Variants in CSMD2 observed in about 807,000 individuals in gnomAD.
CSMD2 encodes the protein CUB and sushi domain-containing protein 2.
In CSMD2, 130 loss-of-function variants were observed where a neutral mutation model predicts 398.5. That is an observed-to-expected ratio of 0.33 (90% confidence interval 0.28 to 0.38). CSMD2 has a LOEUF of 0.38. Among genes scored for constraint, CSMD2 ranks in the 10% least tolerant of loss-of-function variants. CSMD2 has a pLI of 1.00. For synonymous variants in CSMD2, 1,828 were observed against 1,908.5 expected, an observed-to-expected ratio of 0.96 and a Z score of 1.10; for missense variants, 3,829 against 4,764.9, an observed-to-expected ratio of 0.80 and a Z score of 5.78.
intron 2 of CSMD2, among the ~76,000 whole-genome samples, chr1:34,080,746 T>C (rs370244504): frequency 9.2e-5 from 14 of 151,902 alleles, no homozygotes; most frequent in African/African-American, 3.4e-4. Flanking sequence ...ACTAATTTAA[T>C]TTACAAAATT....
At chr1:33,610,576 C>G (rs1159174599) in intron 41 of CSMD2, among the ~76,000 whole-genome samples, 1 of 152,204 alleles carries the variant, frequency 6.6e-6, no homozygotes, top group Non-Finnish European at 1.5e-5. Flanking sequence ...ACAGGAAAAC[C>G]TGCTCCTTGT....
chr1:33,615,267 T>C (rs1237402273), intron 39 of CSMD2, among the ~76,000 whole-genome samples: 2 of 152,188 alleles, frequency 1.3e-5, no homozygotes, highest in East Asian at 3.9e-4. Context: ...CATCTGAGGA[T>C]GCAGGGCTGG....
chr1:33,785,106 C>T (rs534542227), intron 12 of CSMD2, among the ~76,000 whole-genome samples: 3 of 152,364 alleles, frequency 2.0e-5, no homozygotes, highest in South Asian at 4.1e-4. Flanking sequence ...CCTGCTGACA[C>T]CTAGTCCATG....
chr1:33,872,534 C>G (rs1480541400), intron 5 of CSMD2, among the ~76,000 whole-genome samples: 1 of 152,068 alleles, frequency 6.6e-6, no homozygotes, highest in African/African-American at 2.4e-5. Flanking sequence ...TCTAGGAAGC[C>G]AAGGGGCTGT....
intron 2 of CSMD2, among the ~76,000 whole-genome samples, chr1:34,066,386 C>T (rs148169790): frequency 1.3e-5 from 2 of 152,144 alleles, no homozygotes; most frequent in Non-Finnish European, 2.9e-5. Flanking sequence ...TCCTTTCCCT[C>T]GGAATTTCCT....
rs993037594 is a variant in CSMD2 at position 33,664,162 on chromosome 1, TAA to T, written c.4053-1072_4053-1071del. ...AACAATATACAGATGTACTGAATTT[TAA>T]AAAAGTCTCTCTTTCACACAGCCAA... On this transcript the variant is annotated intron_variant, in intron 25 of 70. Transcript: ENST00000373381. Among the ~76,000 whole-genome samples the T allele has an allele frequency of 9.8e-5, 15 of 152,344 alleles. No homozygotes were observed. The South Asian group carries it at 1.0e-3, about 11-fold the overall frequency.
chr1:33,620,484 C>T (rs762236252), intron 37 of CSMD2, among the ~76,000 whole-genome samples: 13 of 151,894 alleles, frequency 8.6e-5, no homozygotes, highest in Admixed American at 1.3e-4. Flanking sequence ...TCCCCTTGGA[C>T]GAAGAAAATT....
chr1:33,985,428 T>C (rs1570719567), intron 3 of CSMD2, among the ~76,000 whole-genome samples: 1 of 152,098 alleles, frequency 6.6e-6, no homozygotes, highest in Non-Finnish European at 1.5e-5. Flanking sequence ...CAGGCTCCTC[T>C]GGAGGAAGGC....
chr1:33,668,982 A>T lies in CSMD2; in HGVS notation c.4053-5890T>A, dbSNP rs376821859. Among the ~76,000 whole-genome samples, 261 of 152,312 alleles carry T rather than the reference A, an allele frequency of 1.7e-3. 12 individuals carry two copies. The South Asian group carries it at 0.051, about 30-fold the overall frequency. On this transcript the variant is annotated intron_variant, in intron 25 of 70. Coordinates refer to ENST00000373381, the MANE Select transcript of CSMD2 (RefSeq NM_001281956.2). ...AAGATGCTATCAAAATAACCGGAGG[A>T]CAAAAAGAGCTAAACGTTTGTAGAA...
At chr1:33,593,385 T>C (rs1639602820) in intron 44 of CSMD2, among the ~76,000 whole-genome samples, 1 of 152,208 alleles carries the variant, frequency 6.6e-6, no homozygotes, top group African/African-American at 2.4e-5. Flanking sequence ...AACCTGAGAC[T>C]GGGCAATTTA....
Position 33,914,958 on chromosome 1 carries a change from G to A in CSMD2, c.920+3136C>T, listed in dbSNP as rs1643647811. On this transcript the variant is annotated intron_variant, in intron 5 of 70. Coordinates refer to ENST00000373381, the MANE Select transcript of CSMD2 (RefSeq NM_001281956.2). ...CAATCCTATGTTTCTCCAATTGTTT[G>A]GAAATTTTACTAGTCCAGAAGCCCT... Among the ~76,000 whole-genome samples, 3 of 152,178 alleles carry A rather than the reference G, an allele frequency of 2.0e-5. No homozygotes were observed. The South Asian group carries it at 6.2e-4, about 32-fold the overall frequency.
intron 1 of CSMD2, among the ~76,000 whole-genome samples, chr1:34,120,427 C>A (rs539296345): frequency 6.6e-6 from 1 of 152,118 alleles, no homozygotes; most frequent in South Asian, 2.1e-4. Flanking sequence ...GTGGTTAAGA[C>A]AGTAAATTTT....
intron 1 of CSMD2, among the ~76,000 whole-genome samples, chr1:34,114,096 AC>A (rs1260011477): frequency 6.6e-6 from 1 of 152,188 alleles, no homozygotes; most frequent in Non-Finnish European, 1.5e-5. Flanking sequence ...GAACCTGAGT[AC>A]CATAATCAGA....
At chr1:33,809,473 C>T (rs1656606128) in intron 10 of CSMD2, among the ~76,000 whole-genome samples, 1 of 151,944 alleles carries the variant, frequency 6.6e-6, no homozygotes, top group Non-Finnish European at 1.5e-5. Flanking sequence ...TTGATAAAAG[C>T]TCTTAGCAAA....
intron 25 of CSMD2, among the ~76,000 whole-genome samples, chr1:33,663,436 T>C (rs1391409811): frequency 6.6e-6 from 1 of 151,904 alleles, no homozygotes; most frequent in Non-Finnish European, 1.5e-5. Flanking sequence ...GTTACCATTC[T>C]AGGTTGGAAG....
intron 1 of CSMD2, among the ~76,000 whole-genome samples, chr1:34,130,730 C>T (rs996488244): frequency 2.0e-5 from 3 of 152,122 alleles, no homozygotes; most frequent in South Asian, 2.1e-4. Context: ...TCAATGCCTT[C>T]CCTGCCCTCC....
chr1:33,714,200 T>C lies in CSMD2; in HGVS notation c.3406+387A>G, dbSNP rs193288327. On this transcript the variant is annotated intron_variant, in intron 21 of 70. Coordinates refer to ENST00000373381, the MANE Select transcript of CSMD2 (RefSeq NM_001281956.2). ...GGACTCCCCCTGGGCAAAGGTCATATACCCCTCCTACAGGCCCACCTAGTG... is the reference window on the plus strand; with the variant it reads ...GGACTCCCCCTGGGCAAAGGTCATACACCCCTCCTACAGGCCCACCTAGTG... 8.2e-4 allele frequency among the ~76,000 whole-genome samples: 125 copies of C among 152,306 alleles called. 1 individual carries two copies. The highest frequency in any genetic ancestry group is 1.2e-3 in the Non-Finnish European group (83 of 68,012).
intron 1 of CSMD2, among the ~76,000 whole-genome samples, chr1:34,134,433 T>A (rs1638499919): frequency 1.3e-5 from 2 of 152,200 alleles, no homozygotes; most frequent in African/African-American, 4.8e-5. Context: ...ATAGTAACAT[T>A]TGCTGCCCTA....
chr1:33,626,887 C>T (rs994387881), intron 32 of CSMD2, among the ~76,000 whole-genome samples: 2 of 152,058 alleles, frequency 1.3e-5, no homozygotes, highest in South Asian at 2.1e-4. Context: ...TGACCTGTGC[C>T]GGAAAGGAGA....
Sources: allele counts gnomAD v4.1 joint callset (sites outside exome capture counted in the v4.1 genomes callset), GRCh38; gene constraint gnomAD v4.1.1; transcripts MANE v1.5; gene names NCBI Gene and HGNC (gene_info 2026-07-23, HGNC 2026-07-21).